Variants in KLHL29 observed in about 807,000 individuals in gnomAD.
KLHL29 encodes kelch like family member 29.
Under a neutral mutation model 80.4 loss-of-function variants are expected in KLHL29, and 21 were observed. The ratio of observed to expected loss-of-function variants is 0.26; its 90% confidence interval spans 0.19 to 0.38. The LOEUF (loss-of-function observed/expected upper bound fraction) is 0.38. Among genes scored for constraint, KLHL29 ranks in the 10% least tolerant of loss-of-function variants. The probability of loss-of-function intolerance (pLI) is 1.00; values close to 1 mark genes in which losing one functional copy is unlikely to be tolerated. For missense variants in KLHL29, 867 were observed against 1,223.9 expected (o/e 0.71, Z 4.35); for synonymous variants, 511 against 526.8 (o/e 0.97, Z 0.41).
At chr2:23,571,977 T>C (rs769079765) in intron 3 of KLHL29, among the ~76,000 whole-genome samples, 17 of 152,254 alleles carry the variant, frequency 1.1e-4, no homozygotes, top group Non-Finnish European at 2.2e-4. Flanking sequence ...GCAGCTGCAG[T>C]GACCTTCGTG....
At position 23,396,725 on chromosome 2, in the gene KLHL29, T is replaced by C. The variant is rs2103385821; in HGVS notation, c.-154+10945T>C. Among the ~76,000 whole-genome samples, 3 of 152,292 alleles carry C rather than the reference T, an allele frequency of 2.0e-5. No individual in the cohort carries two copies. In the South Asian group the frequency reaches 6.2e-4, roughly 32 times the overall value. On this transcript the variant is annotated intron_variant, in intron 1 of 13. Coordinates refer to ENST00000486442, the MANE Select transcript of KLHL29 (RefSeq NM_052920.2). ...TAATATACAGACTGCGAAAGGAACA[T>C]ATTTCTTGCCGAAGCCTCGATTTGC...
At position 23,463,504 on chromosome 2, in the gene KLHL29, T is replaced by C. The variant is rs572275286; in HGVS notation, c.-153-12056T>C. ...CAAAAAATTTTACTGTACAAAATTC[T>C]CATTTAAAACCCCTCAGCTTGTTAT... is the stretch of plus-strand genomic sequence containing the variant. On this transcript the variant is annotated intron_variant, in intron 1 of 13. Transcript: ENST00000486442. Among the ~76,000 whole-genome samples the C allele has an allele frequency of 2.6e-5, 4 of 152,298 alleles. No individual in the cohort carries two copies. In the South Asian group the frequency reaches 6.2e-4, roughly 24 times the overall value.
chr2:23,521,645 G>A (rs1230830092), intron 2 of KLHL29, among the ~76,000 whole-genome samples: 1 of 152,204 alleles, frequency 6.6e-6, no homozygotes, highest in East Asian at 1.9e-4. Context: ...TTTGCAGGCA[G>A]GCAGCATCCT....
intron 2 of KLHL29, among the ~76,000 whole-genome samples, chr2:23,546,980 C>T (rs1025149335): frequency 5.9e-5 from 9 of 152,190 alleles, no homozygotes; most frequent in Non-Finnish European, 1.3e-4. Flanking sequence ...GAAGACCCTG[C>T]CCAGGAGGAC....
intron 1 of KLHL29, among the ~76,000 whole-genome samples, chr2:23,423,179 C>T (rs910962097): frequency 6.6e-6 from 1 of 152,214 alleles, no homozygotes; most frequent in Admixed American, 6.5e-5. Context: ...TTCACTCATC[C>T]GCTTACTGTT....
chr2:23,621,655 C>T (rs959601520), intron 3 of KLHL29, among the ~76,000 whole-genome samples: 22 of 152,076 alleles, frequency 1.4e-4, no homozygotes, highest in African/African-American at 5.3e-4. Flanking sequence ...ATGGAGATGC[C>T]GAGCCCCCAG....
At chr2:23,660,005 C>G (rs1670360544) in intron 5 of KLHL29, among the ~76,000 whole-genome samples, 1 of 152,146 alleles carries the variant, frequency 6.6e-6, no homozygotes, top group Non-Finnish European at 1.5e-5. Flanking sequence ...CAGCACTGCA[C>G]CTGCTCACAG....
At chr2:23,423,892 G>T (rs1558333147) in intron 1 of KLHL29, among the ~76,000 whole-genome samples, 1 of 152,172 alleles carries the variant, frequency 6.6e-6, no homozygotes, top group Non-Finnish European at 1.5e-5. Flanking sequence ...GACGAGCAGG[G>T]AGCTTTGTCA....
chr2:23,555,923 G>A (rs977764684), intron 2 of KLHL29, among the ~76,000 whole-genome samples: 15 of 152,264 alleles, frequency 9.9e-5, no homozygotes, highest in African/African-American at 3.6e-4. Flanking sequence ...GATGCTGGGG[G>A]ACCTTGTCCT....
intron 1 of KLHL29, among the ~76,000 whole-genome samples, chr2:23,419,981 G>A (rs907511960): frequency 2.0e-5 from 3 of 152,172 alleles, no homozygotes; most frequent in Non-Finnish European, 4.4e-5. Context: ...ACATCACAAA[G>A]GTTAGATAAG....
chr2:23,459,079 G>A (rs1333336557), intron 1 of KLHL29, among the ~76,000 whole-genome samples: 1 of 152,152 alleles, frequency 6.6e-6, no homozygotes, highest in African/African-American at 2.4e-5. Context: ...GGTCATAATG[G>A]GCTGGGTATG....
chr2:23,670,912 C>T (rs527542995), intron 5 of KLHL29, among the ~76,000 whole-genome samples: 627 of 32,118 alleles, frequency 0.02, 15 homozygotes, highest in African/African-American at 0.033. Flanking sequence ...TACACACATG[C>T]ACGCGCTCTC....
In KLHL29 at chr2:23,706,518, G is replaced by A; in HGVS notation, c.2482G>A (p.Gly828Ser). 6.5e-7 allele frequency: 1 copy of A among 1,535,262 alleles called. No homozygotes were observed. Among genetic ancestry groups the A allele is most frequent in the Non-Finnish European group, 8.7e-7 (1 of 1,145,914 alleles). The change falls in exon 14 of 14, where the codon GGT becomes AGT. Residue 828 changes from glycine to serine, a missense_variant. Gly to Ser is a moderately conservative substitution (Grantham distance 56, BLOSUM62 0). Transcript: ENST00000486442. Reference protein sequence around the residue: ...VLDGKIYATGGIVSSEGPALG... With the variant: ...VLDGKIYATGSIVSSEGPALG... Reference sequence around the variant, plus strand: ...TGATGGCAAGATTTATGCAACTGGAGGTATTGTCAGCAGTGAAGGGCCCGC... The same window carrying A: ...TGATGGCAAGATTTATGCAACTGGAAGTATTGTCAGCAGTGAAGGGCCCGC...
intron 3 of KLHL29, among the ~76,000 whole-genome samples, chr2:23,604,731 A>G (rs539833632): frequency 6.6e-6 from 1 of 152,282 alleles, no homozygotes; most frequent in Admixed American, 6.5e-5. Flanking sequence ...GAAGACAGAA[A>G]GGAGGACCTT....
chr2:23,504,896 A>G (rs894659490), intron 2 of KLHL29, among the ~76,000 whole-genome samples: 2 of 152,178 alleles, frequency 1.3e-5, no homozygotes, highest in African/African-American at 4.8e-5. Context: ...AGCTCAGCTG[A>G]TGGCCCTGGT....
intron 2 of KLHL29, among the ~76,000 whole-genome samples, chr2:23,485,213 C>G (rs373733320): frequency 6.6e-6 from 1 of 152,212 alleles, no homozygotes; most frequent in East Asian, 1.9e-4. Flanking sequence ...CTCAGCCCCA[C>G]GTCCTCAGAT....
intron 1 of KLHL29, among the ~76,000 whole-genome samples, chr2:23,390,650 C>CTTTTTT (rs70941576): frequency 1.7e-5 from 2 of 120,234 alleles, no homozygotes; most frequent in African/African-American, 3.2e-5. Context: ...ACCATCTTTA[C>CTTTTTT]TTTTTTTTTT....
intron 3 of KLHL29, among the ~76,000 whole-genome samples, chr2:23,610,692 C>T (rs1033672638): frequency 2.6e-5 from 4 of 152,206 alleles, no homozygotes; most frequent in African/African-American, 7.2e-5. Context: ...TGTGGTGGGG[C>T]GGGTGCCCTG....
Position 23,457,517 on chromosome 2 carries a change from G to A in KLHL29, c.-153-18043G>A, listed in dbSNP as rs549720141. ...GGCCCCATGGATCACCCCTCAACCCGTCACCTTGTGTTCCCCGAGGTGGGG... is the reference window on the plus strand; with the variant it reads ...GGCCCCATGGATCACCCCTCAACCCATCACCTTGTGTTCCCCGAGGTGGGG... On this transcript the variant is annotated intron_variant, in intron 1 of 13. Transcript: ENST00000486442. This position sits in a 1 kb window ranked among gnomAD's most constrained non-coding sequence, Gnocchi z 4.3. Among the ~76,000 whole-genome samples, 4 of 152,252 alleles carry A rather than the reference G, an allele frequency of 2.6e-5. No individual in the cohort carries two copies. The South Asian group carries it at 6.2e-4, about 24-fold the overall frequency.
Sources: gnomAD v4.1 joint callset for allele counts (sites outside exome capture counted in the v4.1 genomes callset) on GRCh38, gnomAD v4.1.1 for gene constraint, Gnocchi (gnomAD v3.1) non-coding constraint, MANE v1.5 for transcripts, NCBI Gene and HGNC (gene_info 2026-07-23, HGNC 2026-07-21) for gene names.